The following PCSK6 variants were observed in gnomAD, a reference collection of about 807,000 sequenced individuals.
PCSK6 encodes the protein proprotein convertase subtilisin/kexin type 6.
Under a neutral mutation model 123.3 loss-of-function variants are expected in PCSK6, and 85 were observed. The observed-to-expected ratio is 0.69, with a 90% CI of 0.58 to 0.83. The LOEUF (loss-of-function observed/expected upper bound fraction) is 0.83, where lower values mean the gene tolerates loss of function less well. PCSK6 is among the 40% of genes least tolerant of loss of function. PCSK6 has a pLI of 0.00. For synonymous variants in PCSK6, 508 were observed against 516.0 expected (o/e 0.98, Z 0.21); for missense variants, 1,191 against 1,282.3 (o/e 0.93, Z 1.09).
At chr15:101,312,736 G>C (rs1275795355) in intron 20 of PCSK6, among the ~76,000 whole-genome samples, 1 of 152,164 alleles carries the variant, frequency 6.6e-6, no homozygotes, top group Non-Finnish European at 1.5e-5. Flanking sequence ...GCAGGTTGAG[G>C]CAGGAGAATG....
intron 13 of PCSK6, chr15:101,365,116 C>T: frequency 7.6e-6 from 5 of 656,230 alleles, no homozygotes; most frequent in Non-Finnish European, 2.9e-6. Context: ...GAGTTTGGAC[C>T]CCTACCTCAC....
At chr15:101,386,770 C>G (rs939620974) in intron 9 of PCSK6, among the ~76,000 whole-genome samples, 1 of 152,262 alleles carries the variant, frequency 6.6e-6, no homozygotes, top group Non-Finnish European at 1.5e-5. Flanking sequence ...CGCCGTTCAG[C>G]TGTTGTGAAC....
chr15:101,396,460 A>G (rs1042856296), intron 7 of PCSK6, among the ~76,000 whole-genome samples: 1 of 152,150 alleles, frequency 6.6e-6, no homozygotes, highest in Non-Finnish European at 1.5e-5. Context: ...CAGCAGGAAC[A>G]CCATCCAAAG....
intron 21 of PCSK6, 71 bp downstream of exon 21, chr15:101,307,140 TTC>T: frequency 8.7e-7 from 1 of 1,144,910 alleles, no homozygotes; most frequent in Non-Finnish European, 1.3e-6. Flanking sequence ...GGCTTTGCTT[TTC>T]TCTTTGGAGC....
intron 6 of PCSK6, among the ~76,000 whole-genome samples, chr15:101,417,262 T>C (rs2141076644): frequency 6.6e-6 from 1 of 152,358 alleles, no homozygotes; most frequent in East Asian, 1.9e-4. Context: ...CCCAGCCATG[T>C]GGAACTATAA....
intron 1 of PCSK6, chr15:101,463,158 AAT>A (rs1182445630): frequency 6.6e-6 from 3 of 456,312 alleles, no homozygotes; most frequent in African/African-American, 6.0e-5. Context: ...GAATCTTAAA[AAT>A]CACACACAGG....
chr15:101,435,183 C>T (rs1193788981), intron 2 of PCSK6, among the ~76,000 whole-genome samples: 1 of 152,106 alleles, frequency 6.6e-6, no homozygotes, highest in Non-Finnish European at 1.5e-5. Context: ...AGAGGTGTGT[C>T]ACCAGCCCCA....
intron 20 of PCSK6, among the ~76,000 whole-genome samples, chr15:101,310,323 G>A (rs369469803): frequency 3.3e-5 from 5 of 152,176 alleles, no homozygotes; most frequent in African/African-American, 9.7e-5. Context: ...AGAGGTTTGC[G>A]GTGGGGCTGC....
At chr15:101,404,151 C>T (rs2042699053) in intron 6 of PCSK6, among the ~76,000 whole-genome samples, 1 of 152,084 alleles carries the variant, frequency 6.6e-6, no homozygotes, top group African/African-American at 2.4e-5. Context: ...TCTAGACAAA[C>T]AGAGGTTCTT....
intron 1 of PCSK6, among the ~76,000 whole-genome samples, chr15:101,446,925 C>A (rs2056905939): frequency 6.6e-6 from 1 of 152,152 alleles, no homozygotes; most frequent in Non-Finnish European, 1.5e-5. Flanking sequence ...TGCCCTCTGC[C>A]CTCCCTTTGC....
Position 101,439,014 on chromosome 15 carries a change from G to C in PCSK6, c.402+4542C>G, listed in dbSNP as rs183351409. Among the ~76,000 whole-genome samples, 13 of 152,382 alleles carry C rather than the reference G, an allele frequency of 8.5e-5. No individual in the cohort carries two copies. The East Asian group carries it at 2.5e-3, about 29-fold the overall frequency. On this transcript the variant is annotated intron_variant, in intron 2 of 21. Transcript: ENST00000611716. ...AAAGGCCAGTGGTGGCCGTATTTCAGAGGATCCCTCAGGAGCATGGGAGGT... is the reference window on the plus strand; with the variant it reads ...AAAGGCCAGTGGTGGCCGTATTTCACAGGATCCCTCAGGAGCATGGGAGGT...
intron 1 of PCSK6, among the ~76,000 whole-genome samples, chr15:101,444,332 C>T (rs986249648): frequency 6.6e-6 from 1 of 152,180 alleles, no homozygotes; most frequent in African/African-American, 2.4e-5. Context: ...GCTGTAGCAC[C>T]AGCTTGTCCT....
At chr15:101,364,980 CGA>C (rs746586976) in intron 13 of PCSK6, 21 of 777,908 alleles carry the variant, frequency 2.7e-5, no homozygotes, top group Non-Finnish European at 4.8e-5. Flanking sequence ...GGAACAGAAT[CGA>C]GAGTGTGGAA....
chr15:101,408,342 T>C (rs2042840408), intron 6 of PCSK6, among the ~76,000 whole-genome samples: 1 of 152,206 alleles, frequency 6.6e-6, no homozygotes, highest in African/African-American at 2.4e-5. Context: ...CTTTCTTATG[T>C]ACACCCAGGA....
At chr15:101,376,227 G>A (rs1318110524) in intron 11 of PCSK6, among the ~76,000 whole-genome samples, 1 of 152,110 alleles carries the variant, frequency 6.6e-6, no homozygotes, top group Non-Finnish European at 1.5e-5. Flanking sequence ...CGAGTAGCTA[G>A]GACTGTAGGT....
chr15:101,386,068 C>A (rs2042051931), intron 9 of PCSK6, among the ~76,000 whole-genome samples: 1 of 151,816 alleles, frequency 6.6e-6, no homozygotes, highest in Non-Finnish European at 1.5e-5. Flanking sequence ...ATGCAGGTGA[C>A]CAGAAGCACA....
chr15:101,346,704 C>G, intron 13 of PCSK6: 15 of 1,173,008 alleles, frequency 1.3e-5, no homozygotes, highest in Non-Finnish European at 1.6e-5. Context: ...TTCAAGAGAG[C>G]TCTCCCTCTT....
At chr15:101,432,438 C>T (rs913295298) in intron 2 of PCSK6, among the ~76,000 whole-genome samples, 5 of 125,022 alleles carry the variant, frequency 4.0e-5, no homozygotes, top group Non-Finnish European at 8.0e-5. Flanking sequence ...GCCTGGGCAA[C>T]ATGGTGAAAC....
intron 13 of PCSK6, among the ~76,000 whole-genome samples, chr15:101,355,500 G>GTCAAACTGCCTGC (rs2041010953): frequency 6.6e-6 from 1 of 152,232 alleles, no homozygotes; most frequent in African/African-American, 2.4e-5. Context: ...CATAGCCCTG[G>GTCAAACTGCCTGC]TCAAACTGCC....
Sources: gnomAD v4.1 joint callset for allele counts (sites outside exome capture counted in the v4.1 genomes callset) on GRCh38, gnomAD v4.1.1 for gene constraint, MANE v1.5 for transcripts, NCBI Gene and HGNC (gene_info 2026-07-23, HGNC 2026-07-21) for gene names.